BRAF: variants seen among roughly 807,000 people sequenced by gnomAD.
The protein encoded by BRAF is B-Raf proto-oncogene, serine/threonine kinase, also known as serine/threonine-protein kinase B-raf.
BRAF carries 16 observed loss-of-function variants against 104.6 expected under a neutral mutation model. The ratio of observed to expected loss-of-function variants is 0.15; its 90% CI spans 0.10 to 0.23. The LOEUF is 0.23. Among genes scored for constraint, BRAF ranks in the 10% least tolerant of loss-of-function variants. BRAF has a pLI of 1.00. For synonymous variants in BRAF, 310 were observed against 341.6 expected (o/e 0.91, Z 1.02); for missense variants, 541 against 937.3 (o/e 0.58, Z 5.52).
intron 1 of BRAF, among the ~76,000 whole-genome samples, chr7:140,895,572 C>T (rs1814786215): frequency 6.6e-6 from 1 of 152,206 alleles, no homozygotes; most frequent in African/African-American, 2.4e-5. Context: ...CTCCCCAGAG[C>T]TTCCACTCTA....
At chr7:140,907,841 T>G (rs59898525) in intron 1 of BRAF, among the ~76,000 whole-genome samples, 12,235 of 151,788 alleles carry the variant, frequency 0.081, 1,551 homozygotes, top group African/African-American at 0.27. Context: ...ACCTCCCAGG[T>G]TCAAGTGATT....
intron 14 of BRAF, among the ~76,000 whole-genome samples, chr7:140,774,749 T>G (rs1235313570): frequency 6.6e-6 from 1 of 152,180 alleles, no homozygotes; most frequent in Non-Finnish European, 1.5e-5. Context: ...ACTCTTAGGC[T>G]CAAGCAATCC....
intron 1 of BRAF, among the ~76,000 whole-genome samples, chr7:140,880,021 C>T (rs556870468): frequency 7.9e-5 from 12 of 152,168 alleles, no homozygotes; most frequent in South Asian, 4.2e-4. Context: ...TGTAAGCTAC[C>T]GTGCCCGGCC....
In BRAF at chr7:140,852,745, A is replaced by G. The variant is rs116948385; in HGVS notation, c.139-2533T>C. Reference sequence around the variant, plus strand: ...CTTTTCCTCTCAACACCAGATTCCTAACTGCCTGCTGAATATGTCTACTAG... The same window carrying G: ...CTTTTCCTCTCAACACCAGATTCCTGACTGCCTGCTGAATATGTCTACTAG... On this transcript the variant is annotated intron_variant, in intron 1 of 19. Transcript: ENST00000644969. Among the ~76,000 whole-genome samples the G allele has an allele frequency of 2.8e-3, 423 of 152,308 alleles. 2 individuals carry two copies. The highest frequency in any genetic ancestry group is 3.9e-3 in the Non-Finnish European group (266 of 68,008).
At chr7:140,771,507 T>C (rs1222244020) in intron 14 of BRAF, among the ~76,000 whole-genome samples, 2 of 152,134 alleles carry the variant, frequency 1.3e-5, no homozygotes, top group Non-Finnish European at 2.9e-5. Context: ...CTTTTCTAAT[T>C]ATTAAAGGTT....
chr7:140,787,130 T>C (rs1276253812), intron 9 of BRAF, among the ~76,000 whole-genome samples: 3 of 151,492 alleles, frequency 2.0e-5, no homozygotes, highest in African/African-American at 7.3e-5. Context: ...TGAAACCCCG[T>C]CTCTACTAAA....
rs533461259 is a variant in BRAF at position 140,899,528 on chromosome 7, C to T, written c.138+25038G>A. On this transcript the variant is annotated intron_variant, in intron 1 of 19. Transcript: ENST00000644969. ...AACATTTAATATTGTCAGATTTTTT[C>T]ATTTCTGCCAATCTATATGAAATGG... Among the ~76,000 whole-genome samples the T allele has an allele frequency of 2.6e-5, 4 of 152,246 alleles. No individual in the cohort carries two copies. In the East Asian group the frequency reaches 7.7e-4, roughly 29 times the overall value.
chr7:140,821,835 G>A (rs1285179645), intron 3 of BRAF, among the ~76,000 whole-genome samples: 1 of 152,104 alleles, frequency 6.6e-6, no homozygotes, highest in African/African-American at 2.4e-5. Context: ...GGAATACTAT[G>A]CAGCCACAAA....
At chr7:140,718,923 T>C (rs1012438528), downstream of BRAF, among the ~76,000 whole-genome samples, 5 of 152,230 alleles carry the variant, frequency 3.3e-5, no homozygotes, top group African/African-American at 4.8e-5. Flanking sequence ...TGTGTTGCTA[T>C]AGAAAATGTA....
In BRAF at chr7:140,739,520, G is replaced by T. The variant is rs770417722; in HGVS notation, c.2247+292C>A. ...ACTTATATAAACAAAAGCTCTTTGT[G>T]GGGGGGGGGGTCTTCGATAATTTTT... On this transcript the variant is annotated intron_variant, in intron 18 of 19. Transcript: ENST00000644969. Among the ~76,000 whole-genome samples the T allele has an allele frequency of 1.2e-3, 46 of 38,182 alleles. No homozygotes were observed. The African/African-American group carries it at 0.02, about 17-fold the overall frequency. 25.0% of individuals were successfully genotyped at this position (38,182 alleles called of 152,430 possible).
intron 1 of BRAF, among the ~76,000 whole-genome samples, chr7:140,877,882 A>C (rs1812442852): frequency 6.6e-6 from 1 of 152,182 alleles, no homozygotes; most frequent in African/African-American, 2.4e-5. Context: ...TAAGGAAATT[A>C]AACTCATAGT....
At position 140,885,190 on chromosome 7, in the gene BRAF, A is replaced by C. The variant is rs1436817389; in HGVS notation, c.139-34978T>G. ...CCCAGCTACCATATTTTTGGTAAAG[A>C]CGAGGTTTCATCATGTTGGCCAGGC... On this transcript the variant is annotated intron_variant, in intron 1 of 19. Coordinates refer to ENST00000644969, the MANE Select transcript of BRAF (RefSeq NM_001374258.1). Among the ~76,000 whole-genome samples, 4 of 152,062 alleles carry C rather than the reference A, an allele frequency of 2.6e-5. No individual in the cohort carries two copies. In the East Asian group the frequency reaches 7.7e-4, roughly 29 times the overall value.
intron 2 of BRAF, among the ~76,000 whole-genome samples, chr7:140,847,746 C>T (rs553451812): frequency 6.6e-6 from 1 of 152,108 alleles, no homozygotes; most frequent in South Asian, 2.1e-4. Context: ...ATATTATTTC[C>T]ACTTTACTAA....
At chr7:140,727,182 T>TC (rs202233000) in intron 19 of BRAF, among the ~76,000 whole-genome samples, 10 of 151,334 alleles carry the variant, frequency 6.6e-5, no homozygotes, top group African/African-American at 2.4e-4. Flanking sequence ...CCATTATTTT[T>TC]TTCTTTTTTT....
In BRAF at chr7:140,785,760, G is replaced by A. The variant is rs2129029508; in HGVS notation, c.1226C>T (p.Thr409Ile). Residue 409 changes from threonine (T) to isoleucine (I), a missense_variant, in exon 10 of 20, where the codon ACT (threonine) becomes ATT (isoleucine). Physicochemically the swap from Thr to Ile is moderately conservative, Grantham distance 89 (BLOSUM62 -1). Coordinates refer to ENST00000644969, the MANE Select transcript of BRAF (RefSeq NM_001374258.1). ...MRCLRKYQSRTPSPLLHSVPS... is the reference protein window; with the variant it reads ...MRCLRKYQSRIPSPLLHSVPS... Reference sequence around the variant, plus strand: ...GACAGAATGTAGGAGGGGACTGGGAGTCCGGGATTGGTATTTCCGAAGACA... The same window carrying A: ...GACAGAATGTAGGAGGGGACTGGGAATCCGGGATTGGTATTTCCGAAGACA... The A allele has an allele frequency of 7.5e-6, 3 of 399,070 alleles. No individual in the cohort carries two copies. Among genetic ancestry groups the A allele is most frequent in the Non-Finnish European group, 1.3e-5 (3 of 226,088 alleles). 24.7% of individuals were successfully genotyped at this position (399,070 alleles called of 1,614,324 possible). A position where few individuals can be genotyped will look rare whatever the true frequency, so the allele number is the denominator to read the frequency against.
chr7:140,718,804 G>A (rs1489078758), downstream of BRAF, among the ~76,000 whole-genome samples: 1 of 152,148 alleles, frequency 6.6e-6, no homozygotes, highest in Non-Finnish European at 1.5e-5. Flanking sequence ...TTGGGGAAGG[G>A]TCATGAAATC....
chr7:140,834,563 A>G (rs1331221475), intron 3 of BRAF, 46 bp downstream of exon 3: 1 of 1,609,500 alleles, frequency 6.2e-7, no homozygotes, highest in Non-Finnish European at 8.5e-7. Context: ...GATCTGTCTG[A>G]AAAATACAAA....
At chr7:140,738,636 A>C (rs2130891336) in intron 18 of BRAF, among the ~76,000 whole-genome samples, 1 of 152,308 alleles carries the variant, frequency 6.6e-6, no homozygotes. Flanking sequence ...GTTTTGTTTT[A>C]AACAGAGTCT....
intron 3 of BRAF, among the ~76,000 whole-genome samples, chr7:140,833,666 T>C (rs1475660381): frequency 6.6e-6 from 1 of 152,230 alleles, no homozygotes; most frequent in Non-Finnish European, 1.5e-5. Context: ...CAACCAACTT[T>C]TGTCTGTACA....
Sources: gnomAD v4.1 joint callset for allele counts (sites outside exome capture counted in the v4.1 genomes callset) on GRCh38, gnomAD v4.1.1 for gene constraint, MANE v1.5 for transcripts, NCBI Gene and HGNC (gene_info 2026-07-23, HGNC 2026-07-21) for gene names.